Variants in SLC4A4 observed in about 807,000 individuals in gnomAD.
SLC4A4 encodes the protein solute carrier family 4 member 4, also known as electrogenic sodium bicarbonate cotransporter 1.
A neutral mutation model predicts 111.5 loss-of-function variants in SLC4A4; 27 were observed. The ratio of observed to expected loss-of-function variants is 0.24; its 90% confidence interval spans 0.18 to 0.33. The LOEUF is 0.33. Ranked by LOEUF, SLC4A4 falls within the 10% of genes least tolerant of loss-of-function variation. The pLI, the probability that SLC4A4 is intolerant of heterozygous loss-of-function variation, is 1.00. For synonymous variants in SLC4A4, 443 were observed against 463.4 expected, an observed-to-expected ratio of 0.96 and a Z score of 0.57; for missense variants, 909 against 1,315.5, an observed-to-expected ratio of 0.69 and a Z score of 4.78.
chr4:71,167,771 T>C (rs758445171), intron 2 of SLC4A4, among the ~76,000 whole-genome samples: 10 of 152,158 alleles, frequency 6.6e-5, no homozygotes, highest in Non-Finnish European at 1.0e-4. Flanking sequence ...TCTTAGAAAA[T>C]GGCACCATTT....
chr4:71,122,215 A>G (rs1279126669), intron 2 of SLC4A4, among the ~76,000 whole-genome samples: 2 of 151,174 alleles, frequency 1.3e-5, no homozygotes, highest in African/African-American at 4.9e-5. Flanking sequence ...CAGGAGGCTG[A>G]GGCAGGAGAA....
At chr4:71,273,152 C>T (rs1180320706) in intron 3 of SLC4A4, among the ~76,000 whole-genome samples, 3 of 152,150 alleles carry the variant, frequency 2.0e-5, no homozygotes, top group African/African-American at 7.2e-5. Flanking sequence ...TTATTAACTC[C>T]ATTTTATAGA....
At chr4:71,425,612 A>G (rs1267865366) in intron 7 of SLC4A4, among the ~76,000 whole-genome samples, 1 of 152,110 alleles carries the variant, frequency 6.6e-6, no homozygotes, top group Non-Finnish European at 1.5e-5. Flanking sequence ...TACATTTTAG[A>G]GAGATGCAAG....
At chr4:71,334,996 T>G (rs1484652820) in intron 3 of SLC4A4, among the ~76,000 whole-genome samples, 1 of 152,136 alleles carries the variant, frequency 6.6e-6, no homozygotes, top group African/African-American at 2.4e-5. Context: ...TCTAGACTTC[T>G]CCCTTCTAGA....
chr4:71,383,613 A>G (rs926982192), intron 6 of SLC4A4, among the ~76,000 whole-genome samples: 1 of 152,218 alleles, frequency 6.6e-6, no homozygotes. Flanking sequence ...TCTTGAGTTC[A>G]GAGGGATTTA....
chr4:71,423,682 C>CG (rs1340819515), intron 7 of SLC4A4, among the ~76,000 whole-genome samples: 2 of 152,092 alleles, frequency 1.3e-5, no homozygotes, highest in Non-Finnish European at 2.9e-5. Context: ...TCAGAAATAA[C>CG]GCCGCATATC....
rs367847282 is a variant in SLC4A4 at position 71,357,180 on chromosome 4, T to C, written c.723T>C (p.Pro241=). 6.2e-6 allele frequency: 10 copies of C among 1,613,952 alleles called. No individual in the cohort carries two copies. The African/African-American group carries it at 1.2e-4, about 19-fold the overall frequency. The change falls in exon 6 of 26, where the codon CCT becomes CCC. Residue 241 remains proline (P), a synonymous_variant. Transcript: ENST00000264485. The part of the protein sequence containing the change: ...VSSASRMFTN[P]DNGSPAMTHR... Reference sequence around the variant, plus strand: ...GTGCAAGTAGGATGTTTACCAACCCTGATAATGGTAATGCAGAGGCCAGCT... The same window carrying C: ...GTGCAAGTAGGATGTTTACCAACCCCGATAATGGTAATGCAGAGGCCAGCT...
intron 6 of SLC4A4, among the ~76,000 whole-genome samples, chr4:71,387,566 C>A (rs1209831439): frequency 1.3e-5 from 2 of 152,114 alleles, no homozygotes; most frequent in East Asian, 3.9e-4. Context: ...GTGATCTTGG[C>A]TCACCACAAC....
chr4:71,547,589 G>A, intron 19 of SLC4A4, 59 bp from the exon 20 acceptor site: 3 of 1,387,838 alleles, frequency 2.2e-6, no homozygotes, highest in Non-Finnish European at 3.1e-6. Context: ...AAGGTGAAAA[G>A]ACAAGAGCAT....
chr4:71,350,521 G>A (rs554343917), intron 5 of SLC4A4, among the ~76,000 whole-genome samples: 1 of 152,182 alleles, frequency 6.6e-6, no homozygotes, highest in African/African-American at 2.4e-5. Flanking sequence ...GGGATTACAG[G>A]TACCTGCCAC....
Position 71,536,158 on chromosome 4 carries a change from G to T in SLC4A4, c.2442+1770G>T, listed in dbSNP as rs9998477. Among the ~76,000 whole-genome samples the T allele has an allele frequency of 5.7e-3, 872 of 151,916 alleles. 13 individuals are homozygous for T. Among genetic ancestry groups the T allele is most frequent in the African/African-American group, 0.02 (830 of 41,440 alleles). ...CTGACTTAAGAATTAAGAAGTGGAA[G>T]ATGCTAGGCCATTAAATGGTTATAT... On this transcript the variant is annotated intron_variant, in intron 18 of 25. Coordinates refer to ENST00000264485, the MANE Select transcript of SLC4A4 (RefSeq NM_001098484.3).
chr4:71,092,375 C>A (rs906893390), intron 1 of SLC4A4, among the ~76,000 whole-genome samples: 6 of 152,078 alleles, frequency 3.9e-5, no homozygotes, highest in African/African-American at 1.4e-4. Context: ...TTCATGTTGA[C>A]AGATATTTTA....
chr4:71,228,322 G>A (rs964384972), intron 1 of SLC4A4, among the ~76,000 whole-genome samples: 1 of 152,146 alleles, frequency 6.6e-6, no homozygotes, highest in Non-Finnish European at 1.5e-5. Flanking sequence ...CTAATAGTTT[G>A]AGGGACAGTT....
intron 1 of SLC4A4, among the ~76,000 whole-genome samples, chr4:71,215,913 T>G (rs1477985986): frequency 6.6e-6 from 1 of 150,994 alleles, no homozygotes; most frequent in Non-Finnish European, 1.5e-5. Flanking sequence ...ATTTTTTTTT[T>G]TTTTTTTTTG....
chr4:71,188,614 A>C (rs1745597717), intron 1 of SLC4A4, among the ~76,000 whole-genome samples: 1 of 151,878 alleles, frequency 6.6e-6, no homozygotes, highest in Non-Finnish European at 1.5e-5. Flanking sequence ...ATACTACCTG[A>C]ATTAAATTAA....
chr4:71,368,434 C>A (rs1225542851), intron 6 of SLC4A4, among the ~76,000 whole-genome samples: 1 of 152,148 alleles, frequency 6.6e-6, no homozygotes, highest in Non-Finnish European at 1.5e-5. Flanking sequence ...ATCCCTACCC[C>A]AGTCTTATGT....
intron 1 of SLC4A4, among the ~76,000 whole-genome samples, chr4:71,090,223 C>T (rs1450051431): frequency 6.6e-6 from 1 of 151,796 alleles, no homozygotes; most frequent in Non-Finnish European, 1.5e-5. Context: ...TCCTGGTGTG[C>T]CATTTGCTAA....
chr4:71,398,904 T>G (rs762293325), intron 7 of SLC4A4, among the ~76,000 whole-genome samples: 3 of 152,210 alleles, frequency 2.0e-5, no homozygotes, highest in Non-Finnish European at 2.9e-5. Flanking sequence ...ATATGCTAAT[T>G]GTACAGTTAG....
chr4:71,098,062 T>C (rs1742610448), intron 2 of SLC4A4, among the ~76,000 whole-genome samples: 1 of 152,192 alleles, frequency 6.6e-6, no homozygotes, highest in African/African-American at 2.4e-5. Context: ...GCTTTTGTTG[T>C]GATGGCTTCT....
Sources: gnomAD v4.1 joint callset for allele counts (sites outside exome capture counted in the v4.1 genomes callset) on GRCh38, gnomAD v4.1.1 for gene constraint, MANE v1.5 for transcripts, NCBI Gene and HGNC (gene_info 2026-07-23, HGNC 2026-07-21) for gene names.